Variants in NF1 observed in about 807,000 individuals in gnomAD.
The protein encoded by NF1 is neurofibromin.
NF1 carries 122 observed loss-of-function variants against 325.7 expected under a neutral mutation model. The ratio of observed to expected loss-of-function variants is 0.37; its 90% CI spans 0.32 to 0.44. The LOEUF (loss-of-function observed/expected upper bound fraction) is 0.44, where lower values mean the gene tolerates loss of function less well. NF1 is among the 20% of genes least tolerant of loss of function. The pLI is 1.00. For missense variants in NF1, 2,140 were observed against 3,415.4 expected (o/e 0.63, Z 9.31); for synonymous variants, 1,091 against 1,186.0 (o/e 0.92, Z 1.65).
intron 36 of NF1, chr17:31,304,966 A>G: frequency 6.2e-7 from 1 of 1,614,170 alleles, no homozygotes; most frequent in Admixed American, 1.7e-5. Context: ...AGCTACCAAC[A>G]TAGAAGTCAG....
intron 36 of NF1, among the ~76,000 whole-genome samples, chr17:31,265,714 G>A (rs1013768100): frequency 1.3e-5 from 2 of 152,056 alleles, no homozygotes; most frequent in African/African-American, 4.8e-5. Context: ...AACTATAAGA[G>A]CCTATTTCTG....
In NF1 at chr17:31,310,611, C is replaced by T. The variant is rs116800369; in HGVS notation, c.4836-15209C>T. ...CTTTCATTTCAGGCTCTCCTGTCTGCTGTGAGTATCCTTACCATCCTCTCC... is the reference window on the plus strand; with the variant it reads ...CTTTCATTTCAGGCTCTCCTGTCTGTTGTGAGTATCCTTACCATCCTCTCC... On this transcript the variant is annotated intron_variant, in intron 36 of 57. Transcript: ENST00000358273. Among the ~76,000 whole-genome samples the T allele has an allele frequency of 5.7e-3, 865 of 152,286 alleles. 8 individuals carry two copies. The highest frequency in any genetic ancestry group is 0.019 in the African/African-American group (800 of 41,560).
intron 1 of NF1, among the ~76,000 whole-genome samples, chr17:31,134,602 T>A (rs969828176): frequency 4.6e-5 from 7 of 152,228 alleles, no homozygotes; most frequent in Non-Finnish European, 8.8e-5. Context: ...GAGTCTTTCA[T>A]GAAGCTGCAG....
chr17:31,333,548 A>G (rs1246885072), intron 39 of NF1, among the ~76,000 whole-genome samples: 3 of 152,208 alleles, frequency 2.0e-5, no homozygotes, highest in African/African-American at 7.2e-5. Context: ...TATTTTGCCT[A>G]CTTTAGAACT....
intron 14 of NF1, among the ~76,000 whole-genome samples, chr17:31,221,501 T>C (rs745961730): frequency 1.3e-5 from 2 of 152,168 alleles, no homozygotes; most frequent in African/African-American, 2.4e-5. Flanking sequence ...TACTTGGGGA[T>C]TAGCTTTTTG....
rs1234091349 is a variant in NF1 at position 31,330,431 on chromosome 17, G to T, written c.5745G>T (p.Leu1915=). The T allele has an allele frequency of 6.2e-7, 1 of 1,613,798 alleles. No individual in the cohort carries two copies. Among genetic ancestry groups the T allele is most frequent in the Non-Finnish European group, 8.5e-7 (1 of 1,179,810 alleles). Residue 1915 remains leucine (L), a synonymous_variant, in exon 39 of 58, where the codon CTG becomes CTT. Coordinates refer to ENST00000358273, the MANE Select transcript of NF1 (RefSeq NM_001042492.3). ...TLFIVSISKT[L]AANEPHLTLE... is the part of the protein sequence containing the mutation. ...TTATTGTCTCTATTAGTAAGACACT[G>T]GCAGCCAATGAGCCACACCTCACGT...
At position 31,357,275 on chromosome 17, in the gene NF1, C is replaced by G. The variant is rs1555536748; in HGVS notation, c.7876C>G (p.Leu2626Val). 2.5e-6 allele frequency: 4 copies of G among 1,613,566 alleles called. No homozygotes were observed. The highest frequency in any genetic ancestry group is 1.3e-5 in the African/African-American group (1 of 74,904). The stretch of plus-strand genomic sequence containing the variant: ...CTTTTTTGCATCTTGGCAGGCTACA[C>G]TGGTAAAATATACCACAGATGAGTT... Reference protein sequence around the residue: ...QALLLTVLATLVKYTTDEFDQ... With the variant: ...QALLLTVLATVVKYTTDEFDQ... Residue 2626 changes from leucine (L) to valine (V), a missense_variant, in exon 54 of 58, where the codon CTG becomes GTG. Coordinates refer to ENST00000358273, the MANE Select transcript of NF1 (RefSeq NM_001042492.3).
intron 8 of NF1, chr17:31,182,923 C>A: frequency 5.0e-6 from 3 of 599,572 alleles, no homozygotes; most frequent in Non-Finnish European, 8.8e-6. Context: ...TCTGAGAAGA[C>A]TAAACGATAC....
intron 36 of NF1, among the ~76,000 whole-genome samples, chr17:31,310,238 A>G (rs146039293): frequency 1.8e-4 from 27 of 152,330 alleles, no homozygotes; most frequent in East Asian, 1.7e-3. Flanking sequence ...AGGCAATGCA[A>G]AGAAATACAA....
At chr17:31,149,279 CACACACACACAT>C (rs1162989008) in intron 1 of NF1, among the ~76,000 whole-genome samples, 4 of 144,548 alleles carry the variant, frequency 2.8e-5, no homozygotes, top group Admixed American at 2.0e-4. Context: ...TATACATGTA[CACACACACACAT>C]ACACACACAC....
intron 51 of NF1, among the ~76,000 whole-genome samples, chr17:31,354,928 A>G (rs2070235578): frequency 6.6e-6 from 1 of 152,244 alleles, no homozygotes; most frequent in African/African-American, 2.4e-5. Context: ...GAAGGATGTC[A>G]GAAGCTTTTA....
intron 1 of NF1, among the ~76,000 whole-genome samples, chr17:31,135,532 T>G (rs1915702316): frequency 2.0e-5 from 3 of 152,170 alleles, no homozygotes; most frequent in Admixed American, 1.3e-4. Context: ...ATCTTTGGAT[T>G]CCTTTCTGCC....
At chr17:31,220,372 CTT>C (rs2066901150) in intron 14 of NF1, among the ~76,000 whole-genome samples, 2 of 152,068 alleles carry the variant, frequency 1.3e-5, no homozygotes, top group South Asian at 4.1e-4. Flanking sequence ...TTCTTGTAGT[CTT>C]TTTGGAAGGC....
chr17:31,327,019 A>C (rs2069362289), intron 37 of NF1, among the ~76,000 whole-genome samples: 1 of 111,572 alleles, frequency 9.0e-6, no homozygotes, highest in African/African-American at 2.8e-5. Flanking sequence ...GTGATCTCAG[A>C]GTGCAGTGGC....
At chr17:31,293,425 A>G (rs534624712) in intron 36 of NF1, among the ~76,000 whole-genome samples, 3 of 152,090 alleles carry the variant, frequency 2.0e-5, no homozygotes, top group Admixed American at 6.5e-5. Flanking sequence ...CTGTTTCTTC[A>G]TGGTGAGATT....
At chr17:31,169,179 A>C (rs2065892790) in intron 4 of NF1, among the ~76,000 whole-genome samples, 1 of 152,266 alleles carries the variant, frequency 6.6e-6, no homozygotes, top group South Asian at 2.1e-4. Flanking sequence ...CCTAAAGTGC[A>C]TACCTGTGTG....
chr17:31,353,035 AG>A (rs1422587537), intron 51 of NF1, among the ~76,000 whole-genome samples: 2 of 151,914 alleles, frequency 1.3e-5, no homozygotes, highest in East Asian at 3.9e-4. Flanking sequence ...CATCCTCCCT[AG>A]TAGCTGGGTT....
intron 17 of NF1, among the ~76,000 whole-genome samples, chr17:31,226,181 T>G (rs2067008796): frequency 6.6e-6 from 1 of 152,142 alleles, no homozygotes; most frequent in Non-Finnish European, 1.5e-5. Context: ...TAATATCTAT[T>G]TGATTTGAAA....
At chr17:31,304,599 A>G in intron 36 of NF1, 2 of 1,614,170 alleles carry the variant, frequency 1.2e-6, no homozygotes, top group Non-Finnish European at 1.7e-6. Flanking sequence ...GTGGAGGCAG[A>G]TCTGCATCAT....
Sources: allele counts gnomAD v4.1 joint callset (sites outside exome capture counted in the v4.1 genomes callset), GRCh38; gene constraint gnomAD v4.1.1; transcripts MANE v1.5; gene names NCBI Gene and HGNC (gene_info 2026-07-23, HGNC 2026-07-21).